Variants in TMEM117 observed in about 807,000 individuals in gnomAD.
TMEM117 encodes the protein transmembrane protein 117.
A neutral mutation model predicts 52.4 loss-of-function variants in TMEM117; 27 were observed. The observed-to-expected ratio is 0.51, with a 90% CI of 0.38 to 0.71. The LOEUF (loss-of-function observed/expected upper bound fraction) is 0.71. Ranked by LOEUF, TMEM117 falls within the 30% of genes least tolerant of loss-of-function variation. The pLI is 0.00. For missense variants in TMEM117, 556 were observed against 630.5 expected (o/e 0.88, Z 1.26); for synonymous variants, 215 against 206.3 (o/e 1.04, Z -0.36).
intron 3 of TMEM117, among the ~76,000 whole-genome samples, chr12:44,011,215 C>T (rs1388242294): frequency 6.6e-6 from 1 of 152,088 alleles, no homozygotes; most frequent in Non-Finnish European, 1.5e-5. Context: ...TTACAATAGT[C>T]CCTCCTATCT....
intron 2 of TMEM117, among the ~76,000 whole-genome samples, chr12:43,931,994 A>G (rs1039292943): frequency 1.3e-5 from 2 of 152,062 alleles, no homozygotes; most frequent in African/African-American, 4.8e-5. Flanking sequence ...GCTTACTGGT[A>G]CTCTTTAAAT....
the TMEM117 span, chr12:43,799,610 T>C: frequency 4.1e-5 from 23 of 554,926 alleles, no homozygotes; most frequent in Non-Finnish European, 6.0e-5. Flanking sequence ...TAAATGAAAA[T>C]AAATAGCATT....
intron 2 of TMEM117, among the ~76,000 whole-genome samples, chr12:43,905,928 A>T (rs1944379007): frequency 6.6e-6 from 1 of 152,214 alleles, no homozygotes; most frequent in African/African-American, 2.4e-5. Flanking sequence ...ATTGTCAAGC[A>T]CTTAGTATCA....
intron 2 of TMEM117, among the ~76,000 whole-genome samples, chr12:43,845,196 C>A (rs773645715): frequency 4.6e-5 from 7 of 152,024 alleles, no homozygotes; most frequent in Non-Finnish European, 1.0e-4. Context: ...TGTGGTGGCT[C>A]ACGCCAGTAA....
chr12:44,330,012 GT>G lies in TMEM117; in HGVS notation c.768+30280del, dbSNP rs550703419. On this transcript the variant is annotated intron_variant, in intron 6 of 7. Coordinates refer to ENST00000266534, the MANE Select transcript of TMEM117 (RefSeq NM_032256.3). ...TCTGTTCAAGTTCCTACTTTCAGGGGTTTTTTTGGAAATATACTCAAAAGTA... is the reference window on the plus strand; with the variant it reads ...TCTGTTCAAGTTCCTACTTTCAGGGGTTTTTTGGAAATATACTCAAAAGTA... Among the ~76,000 whole-genome samples the G allele has an allele frequency of 1.7e-3, 266 of 152,018 alleles. 1 individual carries two copies. The highest frequency in any genetic ancestry group is 6.0e-3 in the African/African-American group (251 of 41,510).
At chr12:43,829,921 C>T in the TMEM117 span, among the ~76,000 whole-genome samples, 1 of 151,844 alleles carries the variant, frequency 6.6e-6, no homozygotes, top group Non-Finnish European at 1.5e-5. Flanking sequence ...AACCCCGTCT[C>T]TACCAAAAAT....
intron 3 of TMEM117, among the ~76,000 whole-genome samples, chr12:43,964,205 T>C (rs1226946094): frequency 6.6e-6 from 1 of 152,052 alleles, no homozygotes; most frequent in Non-Finnish European, 1.5e-5. Context: ...AGTCAGTAAT[T>C]GAACATTCTG....
chr12:43,996,529 G>C (rs1201858591), intron 3 of TMEM117, among the ~76,000 whole-genome samples: 1 of 152,024 alleles, frequency 6.6e-6, no homozygotes, highest in African/African-American at 2.4e-5. Context: ...TGTAGTCCCA[G>C]CTACTTGGGA....
At chr12:44,280,078 A>G (rs1027287735) in intron 5 of TMEM117, among the ~76,000 whole-genome samples, 4 of 151,982 alleles carry the variant, frequency 2.6e-5, no homozygotes, top group Non-Finnish European at 5.9e-5. Context: ...GTTTTTCCCT[A>G]TATATACTTT....
At position 44,283,104 on chromosome 12, in the gene TMEM117, G is replaced by A. The variant is rs551172809; in HGVS notation, c.609-16476G>A. 9.2e-5 allele frequency among the ~76,000 whole-genome samples: 14 copies of A among 152,378 alleles called. 1 individual carries two copies. In the East Asian group the frequency reaches 1.3e-3, roughly 15 times the overall value. ...AAACTCCGCCTAGATTTCAGAAGAT[G>A]TATGGAAATGCCTGGATTCCCAGGC... On this transcript the variant is annotated intron_variant, in intron 5 of 7. Coordinates refer to ENST00000266534, the MANE Select transcript of TMEM117 (RefSeq NM_032256.3).
At position 44,389,292 on chromosome 12, in the gene TMEM117, T is replaced by A. The variant is rs1952139680; in HGVS notation, c.*620T>A. Reference sequence around the variant, plus strand: ...AGATCCATAACCCAACATGGGTCACTACTCGTGAAATGTGACTTTCTCCCA... The same window carrying A: ...AGATCCATAACCCAACATGGGTCACAACTCGTGAAATGTGACTTTCTCCCA... On this transcript the variant is annotated 3_prime_UTR_variant, in exon 8 of 8. Coordinates refer to ENST00000266534, the MANE Select transcript of TMEM117 (RefSeq NM_032256.3). The A allele has an allele frequency of 1.3e-5, 2 of 152,708 alleles. No individual in the cohort carries two copies. Among genetic ancestry groups the A allele is most frequent in the South Asian group, 4.1e-4 (2 of 4,840 alleles). 9.5% of individuals were successfully genotyped at this position (152,708 alleles called of 1,614,324 possible).
chr12:43,960,205 A>T (rs1397601817), intron 3 of TMEM117, among the ~76,000 whole-genome samples: 1 of 152,016 alleles, frequency 6.6e-6, no homozygotes, highest in African/African-American at 2.4e-5. Flanking sequence ...GGGCAGAGCC[A>T]GTTGCCGAGA....
intron 3 of TMEM117, among the ~76,000 whole-genome samples, chr12:44,076,238 T>C (rs1157274947): frequency 7.2e-5 from 11 of 152,172 alleles, no homozygotes; most frequent in African/African-American, 2.7e-4. Flanking sequence ...ATCAGAGAAA[T>C]TTGGGTTATT....
At chr12:43,843,321 C>G (rs1041856412) in intron 1 of TMEM117, among the ~76,000 whole-genome samples, 1 of 152,188 alleles carries the variant, frequency 6.6e-6, no homozygotes, top group African/African-American at 2.4e-5. Flanking sequence ...ATAGTTTAGT[C>G]TGAGAGCCAA....
intron 3 of TMEM117, among the ~76,000 whole-genome samples, chr12:43,976,968 G>A (rs1221916957): frequency 2.6e-5 from 4 of 152,104 alleles, no homozygotes; most frequent in South Asian, 2.1e-4. Flanking sequence ...AATGTGTGCC[G>A]TTACTAAGGA....
At chr12:44,055,075 G>A (rs1947033326) in intron 3 of TMEM117, among the ~76,000 whole-genome samples, 1 of 151,958 alleles carries the variant, frequency 6.6e-6, no homozygotes, top group African/African-American at 2.4e-5. Context: ...TAATAGGTAG[G>A]CAATGGATGA....
intron 3 of TMEM117, among the ~76,000 whole-genome samples, chr12:44,059,398 A>G (rs996158499): frequency 6.6e-6 from 1 of 152,206 alleles, no homozygotes; most frequent in Non-Finnish European, 1.5e-5. Flanking sequence ...CAGAATCTCC[A>G]TTGTTACAAG....
the TMEM117 span, among the ~76,000 whole-genome samples, chr12:43,813,464 C>T: frequency 6.6e-5 from 10 of 151,704 alleles, no homozygotes; most frequent in Admixed American, 1.3e-4. Flanking sequence ...AGGCTGGTCT[C>T]GAACTACTGG....
chr12:44,271,338 T>C (rs1269750910), intron 5 of TMEM117, among the ~76,000 whole-genome samples: 3 of 152,060 alleles, frequency 2.0e-5, no homozygotes, highest in African/African-American at 7.2e-5. Flanking sequence ...TTTCATAGAT[T>C]AAGAAATTAG....
Sources: allele counts gnomAD v4.1 joint callset (sites outside exome capture counted in the v4.1 genomes callset), GRCh38; gene constraint gnomAD v4.1.1; transcripts MANE v1.5; gene names NCBI Gene and HGNC (gene_info 2026-07-23, HGNC 2026-07-21).